The following IPO9 variants were observed in gnomAD, a reference collection of about 807,000 sequenced individuals.
IPO9 encodes importin-9.
IPO9 carries 28 observed loss-of-function variants against 128.6 expected under a neutral mutation model. That is an observed-to-expected ratio of 0.22 (90% CI 0.16 to 0.30). The LOEUF is 0.30. Ranked by LOEUF, IPO9 falls within the 10% of genes least tolerant of loss-of-function variation. The pLI, the probability that IPO9 is intolerant of heterozygous loss-of-function variation, is 1.00. For synonymous variants in IPO9, 455 were observed against 475.8 expected (o/e 0.96, Z 0.57); for missense variants, 935 against 1,293.9 (o/e 0.72, Z 4.26).
At chr1:201,873,033 G>C (rs749370769) in intron 20 of IPO9, 72 bp downstream of exon 20, 143 of 1,480,976 alleles carry the variant, frequency 9.7e-5, no homozygotes, top group Admixed American at 9.1e-4. Context: ...TGAAGGGAAG[G>C]AATGCACTGT....
intron 10 of IPO9, 39 bp from the exon 11 acceptor site, chr1:201,857,057 G>C: frequency 8.3e-7 from 1 of 1,199,162 alleles, no homozygotes; most frequent in Non-Finnish European, 1.2e-6. Flanking sequence ...CTATGAATCA[G>C]ATTGGCAGCA....
Position 201,874,944 on chromosome 1 carries a change from G to C in IPO9, c.2938+8G>C. On this transcript the variant is annotated splice_region_variant and intron_variant, in intron 22 of 23. Transcript: ENST00000361565. Reference sequence around the variant, plus strand: ...TTGCTACAAGTAAATATGGTAAGCTGTTTGATAAGAGGACAGCCATGGTAA... The same window carrying C: ...TTGCTACAAGTAAATATGGTAAGCTCTTTGATAAGAGGACAGCCATGGTAA... The C allele has an allele frequency of 1.3e-6, 2 of 1,587,240 alleles. No homozygotes were observed. Among genetic ancestry groups the C allele is most frequent in the Non-Finnish European group, 1.7e-6 (2 of 1,155,522 alleles).
chr1:201,862,186 G>A (rs922083778), intron 13 of IPO9, among the ~76,000 whole-genome samples: 2 of 152,118 alleles, frequency 1.3e-5, no homozygotes, highest in African/African-American at 2.4e-5. Flanking sequence ...GGCTGCACGC[G>A]GTGGCTCATG....
At chr1:201,873,784 A>G (rs1015463156) in intron 20 of IPO9, among the ~76,000 whole-genome samples, 19 of 152,190 alleles carry the variant, frequency 1.2e-4, no homozygotes, top group African/African-American at 4.6e-4. Flanking sequence ...TCAGGCACCA[A>G]GCATCCCAGC....
chr1:201,853,237 T>C (rs1571546244), intron 6 of IPO9, 140 bp downstream of exon 6: 1 of 701,326 alleles, frequency 1.4e-6, no homozygotes, highest in Non-Finnish European at 2.5e-6. Context: ...TATTAAATTA[T>C]TGTTGTTATT....
chr1:201,830,423 T>C (rs565259539), intron 1 of IPO9, among the ~76,000 whole-genome samples: 46 of 152,370 alleles, frequency 3.0e-4, no homozygotes, highest in Admixed American at 7.2e-4. Flanking sequence ...TTAAATTTAG[T>C]TTACATTCTT....
rs547357957 is a variant in IPO9 at position 201,852,316 on chromosome 1, C to G, written c.603+124C>G. On this transcript the variant is annotated intron_variant, in intron 5 of 23. Coordinates refer to ENST00000361565, the MANE Select transcript of IPO9 (RefSeq NM_018085.5). Reference sequence around the variant, plus strand: ...CCTAAAAACTAGAACTGACAAAGATCTGGATCTGAATCTGCATTAACCTTA... The same window carrying G: ...CCTAAAAACTAGAACTGACAAAGATGTGGATCTGAATCTGCATTAACCTTA... The G allele has an allele frequency of 2.9e-4, 175 of 593,304 alleles. 3 individuals carry two copies. In the South Asian group the frequency reaches 3.5e-3, roughly 12 times the overall value. The allele number at this position is 593,304 out of a possible 1,614,324, so 36.8% of individuals were successfully genotyped here.
At position 201,883,665 on chromosome 1, in the gene IPO9, C is replaced by A. The variant is rs911545759; in HGVS notation, c.*7611C>A. On this transcript the variant is annotated 3_prime_UTR_variant, in exon 24 of 24. Coordinates refer to ENST00000361565, the MANE Select transcript of IPO9 (RefSeq NM_018085.5). The stretch of plus-strand genomic sequence containing the variant: ...TTTGCACTGTGTGAGACCCCAGGAC[C>A]TTTTCGTGATTCTGGAGAGGGGAAC... The A allele has an allele frequency of 1.3e-5, 2 of 152,240 alleles. No homozygotes were observed. The highest frequency in any genetic ancestry group is 2.4e-5 in the African/African-American group (1 of 41,450). 9.4% of individuals were successfully genotyped at this position (152,240 alleles called of 1,614,324 possible). A position where few individuals can be genotyped will look rare whatever the true frequency, so the allele number is the denominator to read the frequency against.
At position 201,876,038 on chromosome 1, in the gene IPO9, A is replaced by G; in HGVS notation, c.3110A>G (p.Gln1037Arg). Residue 1037 changes from glutamine to arginine, a missense_variant, in exon 24 of 24, where the codon CAG becomes CGG. Transcript: ENST00000361565. Reference protein sequence around the residue: ...HLNDNERRVLQTIGI With the variant: ...HLNDNERRVLRTIGI ...AATGACAATGAGAGGCGAGTTCTAC[A>G]GACCATCGGCATCTAAAAAGGGGAG... 6.2e-7 allele frequency: 1 copy of G among 1,611,288 alleles called. No homozygotes were observed. The highest frequency in any genetic ancestry group is 8.5e-7 in the Non-Finnish European group (1 of 1,177,388).
intron 20 of IPO9, 32 bp downstream of exon 20, chr1:201,872,993 C>T (rs1032309186): frequency 3.8e-6 from 6 of 1,594,584 alleles, no homozygotes; most frequent in Admixed American, 3.4e-5. Context: ...CCAATCCTCT[C>T]CCTATACGAA....
chr1:201,882,437 A>AC lies in IPO9; in HGVS notation c.*6383_*6384insC, dbSNP rs1558228981. 7.4e-6 allele frequency: 1 copy of AC among 134,588 alleles called. No individual in the cohort carries two copies. Among genetic ancestry groups the AC allele is most frequent in the African/African-American group, 3.4e-5 (1 of 29,122 alleles). The allele number at this position is 134,588 out of a possible 1,614,324, so 8.3% of individuals were successfully genotyped here. On this transcript the variant is annotated 3_prime_UTR_variant, in exon 24 of 24. Transcript: ENST00000361565. ...ACAGAGCGACACTCTGCCTCAAAAA[A>AC]AAAAAAAAACAAAAAAAAAAACAAG...
Position 201,870,436 on chromosome 1 carries a change from T to A in IPO9, c.2134-147T>A. The A allele has an allele frequency of 1.3e-6, 1 of 797,130 alleles. No homozygotes were observed. The highest frequency in any genetic ancestry group is 1.9e-6 in the Non-Finnish European group (1 of 518,182). 49.4% of individuals were successfully genotyped at this position (797,130 alleles called of 1,614,324 possible). ...TGTCTGTAACAGTAAATGTCTTAAC[T>A]CCAGTGGTATGAGCCCACCACAAAC... On this transcript the variant is annotated intron_variant, in intron 17 of 23. Transcript: ENST00000361565. The surrounding 1 kb of genome is among the most constrained non-coding windows in gnomAD (Gnocchi z 4.9).
intron 1 of IPO9, among the ~76,000 whole-genome samples, chr1:201,842,191 G>A (rs1015271065): frequency 9.9e-5 from 15 of 152,146 alleles, no homozygotes; most frequent in African/African-American, 3.6e-4. Flanking sequence ...CCCTCTTTGG[G>A]TTTGATTAAT....
chr1:201,876,567 T>C lies in IPO9; in HGVS notation c.*513T>C, dbSNP rs1680768883. ...CTCAGGAGGAACAGGCAAGAGCAGC[T>C]TCATTCTAAGCCTTTCCAGTGACCT... is the stretch of plus-strand genomic sequence containing the variant. On this transcript the variant is annotated 3_prime_UTR_variant, in exon 24 of 24. Coordinates refer to ENST00000361565, the MANE Select transcript of IPO9 (RefSeq NM_018085.5). The C allele has an allele frequency of 4.8e-6, 1 of 209,356 alleles. No homozygotes were observed. Among genetic ancestry groups the C allele is most frequent in the African/African-American group, 2.3e-5 (1 of 43,414 alleles). 13.0% of individuals were successfully genotyped at this position (209,356 alleles called of 1,614,324 possible).
chr1:201,874,044 C>T lies in IPO9; in HGVS notation c.2711-206C>T, dbSNP rs114655875. 2.9e-3 allele frequency among the ~76,000 whole-genome samples: 443 copies of T among 152,318 alleles called. 2 individuals carry two copies. Among genetic ancestry groups the T allele is most frequent in the African/African-American group, 0.01 (418 of 41,574 alleles). On this transcript the variant is annotated intron_variant, in intron 20 of 23. Coordinates refer to ENST00000361565, the MANE Select transcript of IPO9 (RefSeq NM_018085.5). ...GTATCTCCTTTAATCCCTGAACTCT[C>T]ATCTCTCCCAGCTTCTGAACTGTTA...
At chr1:201,851,697 T>G (rs2102876631) in intron 4 of IPO9, among the ~76,000 whole-genome samples, 1 of 152,264 alleles carries the variant, frequency 6.6e-6, no homozygotes, top group East Asian at 1.9e-4. Flanking sequence ...TCAAACCAGC[T>G]TGCCAAGCGA....
In IPO9 at chr1:201,880,636, A is replaced by T. The variant is rs1298586231; in HGVS notation, c.*4582A>T. ...GCCCCCAACCCCATTTCAGTGAACT[A>T]TGAACCTCTATTAGATATGCAAGGC... On this transcript the variant is annotated 3_prime_UTR_variant, in exon 24 of 24. Transcript: ENST00000361565. 6.6e-6 allele frequency: 1 copy of T among 152,258 alleles called. No homozygotes were observed. The highest frequency in any genetic ancestry group is 1.5e-5 in the Non-Finnish European group (1 of 68,060). 9.4% of individuals were successfully genotyped at this position (152,258 alleles called of 1,614,324 possible). A position where few individuals can be genotyped will look rare whatever the true frequency, so the allele number is the denominator to read the frequency against.
At chr1:201,866,663 T>C in intron 14 of IPO9, 70 bp from the exon 15 acceptor site, 1 of 1,158,102 alleles carries the variant, frequency 8.6e-7, no homozygotes, top group Non-Finnish European at 1.3e-6. Flanking sequence ...TGCTATAATA[T>C]GTGAGATTGA....
intron 5 of IPO9, among the ~76,000 whole-genome samples, chr1:201,852,494 C>T (rs1452122081): frequency 1.3e-5 from 2 of 152,180 alleles, no homozygotes; most frequent in East Asian, 1.9e-4. Flanking sequence ...ACTGAGTTAT[C>T]CCACCTACGC....
Sources: allele counts gnomAD v4.1 joint callset (sites outside exome capture counted in the v4.1 genomes callset), GRCh38; gene constraint gnomAD v4.1.1; non-coding constraint Gnocchi (gnomAD v3.1); transcripts MANE v1.5; gene names NCBI Gene and HGNC (gene_info 2026-07-23, HGNC 2026-07-21).